Variants in SNTB1 observed in about 807,000 individuals in gnomAD.
SNTB1 encodes the protein beta-1-syntrophin.
A neutral mutation model predicts 48.9 loss-of-function variants in SNTB1; 36 were observed. That is an observed-to-expected ratio of 0.74 (90% CI 0.56 to 0.97). The LOEUF (loss-of-function observed/expected upper bound fraction) is 0.97, where lower values mean the gene tolerates loss of function less well. SNTB1 is among the 50% of genes least tolerant of loss of function. The pLI, the probability that SNTB1 is intolerant of heterozygous loss-of-function variation, is 0.00. For missense variants in SNTB1, 786 were observed against 703.4 expected, an observed-to-expected ratio of 1.12 and a Z score of -1.33; for synonymous variants, 299 against 294.6, an observed-to-expected ratio of 1.01 and a Z score of -0.15.
intron 1 of SNTB1, among the ~76,000 whole-genome samples, chr8:120,740,958 A>G (rs905231975): frequency 6.6e-6 from 1 of 152,230 alleles, no homozygotes; most frequent in African/African-American, 2.4e-5. Flanking sequence ...AGAGAGCTTA[A>G]GACTGGTTAC....
intron 3 of SNTB1, among the ~76,000 whole-genome samples, chr8:120,591,463 C>T (rs1002344720): frequency 2.6e-5 from 4 of 152,022 alleles, no homozygotes; most frequent in African/African-American, 9.7e-5. Flanking sequence ...CATAGCGACC[C>T]GGGACCTCCT....
chr8:120,589,207 C>T (rs923323137), intron 3 of SNTB1, among the ~76,000 whole-genome samples: 1 of 152,114 alleles, frequency 6.6e-6, no homozygotes, highest in African/African-American at 2.4e-5. Context: ...TGGATTATAG[C>T]CCTTTATTAC....
intron 4 of SNTB1, among the ~76,000 whole-genome samples, chr8:120,558,209 T>G (rs1408535507): frequency 6.6e-6 from 1 of 152,210 alleles, no homozygotes; most frequent in Non-Finnish European, 1.5e-5. Flanking sequence ...TTCAATTAAT[T>G]TACATTTTAA....
Position 120,563,905 on chromosome 8 carries a change from G to A in SNTB1, c.1136+11181C>T, listed in dbSNP as rs113627160. On this transcript the variant is annotated intron_variant, in intron 4 of 6. Coordinates refer to ENST00000517992, the MANE Select transcript of SNTB1 (RefSeq NM_021021.4). The stretch of plus-strand genomic sequence containing the variant: ...CGAGTGGATCATTTGAGGTCAGTTC[G>A]AGACCAGTCTGACCAACATGGTGAA... Among the ~76,000 whole-genome samples, 172 of 152,162 alleles carry A rather than the reference G, an allele frequency of 1.1e-3. 2 individuals carry two copies. Among genetic ancestry groups the A allele is most frequent in the Middle Eastern group, 0.01 (3 of 294 alleles).
intron 3 of SNTB1, among the ~76,000 whole-genome samples, chr8:120,610,296 C>T: frequency 6.6e-6 from 1 of 152,048 alleles, no homozygotes; most frequent in African/African-American, 2.4e-5. Context: ...ACCACTGTGC[C>T]CAGCTAATTT....
At chr8:120,754,555 C>T (rs1033549680) in intron 1 of SNTB1, among the ~76,000 whole-genome samples, 2 of 152,134 alleles carry the variant, frequency 1.3e-5, no homozygotes, top group African/African-American at 4.8e-5. Context: ...TCTCAATTTT[C>T]TTATCCCTAA....
chr8:120,579,177 AAAACAAACAAACAAAC>A (rs61054676), intron 3 of SNTB1, among the ~76,000 whole-genome samples: 24 of 115,596 alleles, frequency 2.1e-4, no homozygotes, highest in African/African-American at 6.4e-4. Context: ...ACTCTGTCTC[AAAACAAACAAACAAAC>A]AAACAAACAA....
At position 120,548,464 on chromosome 8, in the gene SNTB1, G is replaced by A. The variant is rs142030962; in HGVS notation, c.1333+298C>T. On this transcript the variant is annotated intron_variant, in intron 5 of 6. Transcript: ENST00000517992. ...GTAACCAAGAGCACTACTCATTCATGCCTCAAAGTTCATTCCTCCAGGAAG... is the reference window on the plus strand; with the variant it reads ...GTAACCAAGAGCACTACTCATTCATACCTCAAAGTTCATTCCTCCAGGAAG... 6.8e-3 allele frequency among the ~76,000 whole-genome samples: 1,039 copies of A among 152,224 alleles called. 11 individuals carry two copies. Among genetic ancestry groups the A allele is most frequent in the African/African-American group, 0.024 (977 of 41,522 alleles).
chr8:120,578,669 G>A (rs1052369478), intron 3 of SNTB1, among the ~76,000 whole-genome samples: 2 of 152,204 alleles, frequency 1.3e-5, no homozygotes, highest in Admixed American at 6.5e-5. Context: ...GGTGAGCTGA[G>A]TTGTGTCCCT....
intron 1 of SNTB1, among the ~76,000 whole-genome samples, chr8:120,781,023 C>G (rs778148687): frequency 1.1e-4 from 17 of 152,198 alleles, no homozygotes; most frequent in Non-Finnish European, 2.2e-4. Context: ...CCGTGATCAT[C>G]TAATCCCTGG....
intron 4 of SNTB1, among the ~76,000 whole-genome samples, 155 bp downstream of exon 4, chr8:120,574,931 T>C (rs7004925): frequency 0.017 from 2,515 of 152,318 alleles, 63 homozygotes; most frequent in African/African-American, 0.058. Flanking sequence ...AAATGATCAT[T>C]AATCTATGTG....
In SNTB1 at chr8:120,693,717, T is replaced by C. The variant is rs1286833009; in HGVS notation, c.763A>G (p.Met255Val). ...PLKMCYVTRS[M>V]ALADPENRQL... Reference sequence around the variant, plus strand: ...CTGTTCTCAGGGTCGGCCAAGGCCATACTCCGAGTGACGTAGCACATTTTG... The same window carrying C: ...CTGTTCTCAGGGTCGGCCAAGGCCACACTCCGAGTGACGTAGCACATTTTG... Residue 255 changes from methionine (M) to valine (V), a missense_variant, in exon 2 of 7, where the codon ATG (methionine) becomes GTG (valine). Met to Val is a conservative substitution (Grantham distance 21). Coordinates refer to ENST00000517992, the MANE Select transcript of SNTB1 (RefSeq NM_021021.4). 9 of 1,613,882 alleles carry C rather than the reference T, an allele frequency of 5.6e-6. No individual in the cohort carries two copies. The Admixed American group carries it at 1.3e-4, about 24-fold the overall frequency.
intron 1 of SNTB1, among the ~76,000 whole-genome samples, chr8:120,713,100 A>G (rs1445323427): frequency 6.6e-6 from 1 of 152,154 alleles, no homozygotes; most frequent in Non-Finnish European, 1.5e-5. Context: ...AACCTGAGCT[A>G]AAGAGTTACG....
intron 5 of SNTB1, among the ~76,000 whole-genome samples, chr8:120,547,454 G>T (rs751311831): frequency 6.6e-6 from 1 of 151,982 alleles, no homozygotes; most frequent in African/African-American, 2.4e-5. Context: ...AAAATTAGCT[G>T]GGCATGGTGG....
intron 1 of SNTB1, among the ~76,000 whole-genome samples, chr8:120,810,198 T>A (rs1820401946): frequency 6.6e-6 from 1 of 152,182 alleles, no homozygotes; most frequent in Admixed American, 6.5e-5. Flanking sequence ...AATCTACAGC[T>A]AGGCTAGGCT....
chr8:120,804,883 C>T (rs1820302237), intron 1 of SNTB1, among the ~76,000 whole-genome samples: 1 of 152,130 alleles, frequency 6.6e-6, no homozygotes, highest in South Asian at 2.1e-4. Context: ...ATGCCCTGTC[C>T]AAGAGCAGAC....
rs557686527 is a variant in SNTB1, at chr8:120,566,622, C to T, written c.1136+8464G>A. ...CCTGAGAAGATGGGAGGCAGCAGCACACAATCTTCTAAATCAATAGTTCTC... is the reference window on the plus strand; with the variant it reads ...CCTGAGAAGATGGGAGGCAGCAGCATACAATCTTCTAAATCAATAGTTCTC... On this transcript the variant is annotated intron_variant, in intron 4 of 6. Transcript: ENST00000517992. Among the ~76,000 whole-genome samples the T allele has an allele frequency of 5.2e-3, 793 of 152,340 alleles. 4 individuals are homozygous for T. The highest frequency in any genetic ancestry group is 0.011 in the South Asian group (55 of 4,826).
At chr8:120,740,878 A>G (rs1315922171) in intron 1 of SNTB1, among the ~76,000 whole-genome samples, 2 of 152,188 alleles carry the variant, frequency 1.3e-5, no homozygotes, top group Non-Finnish European at 2.9e-5. Context: ...TAATCTTCTC[A>G]ACAGCACACA....
intron 2 of SNTB1, among the ~76,000 whole-genome samples, chr8:120,688,688 T>C (rs971384068): frequency 7.2e-5 from 11 of 152,190 alleles, no homozygotes; most frequent in East Asian, 1.9e-4. Flanking sequence ...AGGAAGGCAA[T>C]TGTAGGAAGT....
Sources: gnomAD v4.1 joint callset for allele counts (sites outside exome capture counted in the v4.1 genomes callset) on GRCh38, gnomAD v4.1.1 for gene constraint, MANE v1.5 for transcripts, NCBI Gene and HGNC (gene_info 2026-07-23, HGNC 2026-07-21) for gene names.